RAB11A: variants seen among roughly 807,000 people sequenced by gnomAD.
The protein encoded by RAB11A is RAB11A, member RAS oncogene family, also known as ras-related protein Rab-11A.
RAB11A carries 9 observed loss-of-function variants against 28.0 expected under a neutral mutation model. The observed-to-expected ratio is 0.32, with a 90% CI of 0.19 to 0.56. The LOEUF (loss-of-function observed/expected upper bound fraction) is 0.56, where lower values mean the gene tolerates loss of function less well. RAB11A is among the 20% of genes least tolerant of loss of function. RAB11A has a pLI of 0.91. For missense variants in RAB11A, 108 were observed against 269.6 expected, an observed-to-expected ratio of 0.40 and a Z score of 4.20; for synonymous variants, 85 against 88.2, an observed-to-expected ratio of 0.96 and a Z score of 0.20.
At chr15:65,871,686 C>T (rs1404447004) in intron 1 of RAB11A, among the ~76,000 whole-genome samples, 19 of 152,152 alleles carry the variant, frequency 1.2e-4, no homozygotes, top group Admixed American at 1.2e-3. Flanking sequence ...CAATTGAGAG[C>T]ACTGAGCTTT....
chr15:65,878,690 C>G (rs1261675606), intron 3 of RAB11A, among the ~76,000 whole-genome samples: 1 of 152,204 alleles, frequency 6.6e-6, no homozygotes, highest in African/African-American at 2.4e-5. Flanking sequence ...AAAAACAAAA[C>G]AAAACAAACA....
chr15:65,874,689 G>T lies in RAB11A; in HGVS notation c.41-2643G>T, dbSNP rs530761351. ...GATGGTATAAGGAGTTGAGATTGGT[G>T]AGATAATGAACATAATCATTAGTTA... is the stretch of plus-strand genomic sequence containing the variant. On this transcript the variant is annotated intron_variant, in intron 1 of 4. Coordinates refer to ENST00000261890, the MANE Select transcript of RAB11A (RefSeq NM_004663.5). Among the ~76,000 whole-genome samples, 6 of 152,222 alleles carry T rather than the reference G, an allele frequency of 3.9e-5. No individual in the cohort carries two copies. The South Asian group carries it at 1.2e-3, about 32-fold the overall frequency.
chr15:65,883,925 A>C (rs1474990565), intron 4 of RAB11A, among the ~76,000 whole-genome samples: 1 of 152,232 alleles, frequency 6.6e-6, no homozygotes, highest in Non-Finnish European at 1.5e-5. Flanking sequence ...TACATTTTCC[A>C]AAATTAAGAA....
intron 4 of RAB11A, among the ~76,000 whole-genome samples, chr15:65,886,546 G>C (rs996236839): frequency 6.6e-6 from 1 of 152,186 alleles, no homozygotes; most frequent in African/African-American, 2.4e-5. Flanking sequence ...TTTGAGAGTA[G>C]TGTTTTTGGA....
rs562347053 is a variant in RAB11A, at chr15:65,870,612, C to T, written c.40+987C>T. On this transcript the variant is annotated intron_variant, in intron 1 of 4. Transcript: ENST00000261890. ...GGAAAGGTTGTGCGCTGCACAAATA[C>T]TAGCTTGCTTTATCTCTATGAACTG... 3.3e-5 allele frequency among the ~76,000 whole-genome samples: 5 copies of T among 152,348 alleles called. No homozygotes were observed. In the East Asian group the frequency reaches 5.8e-4, roughly 18 times the overall value.
Position 65,888,601 on chromosome 15 carries a change from C to T in RAB11A, c.*761C>T, listed in dbSNP as rs1360336644. 6.6e-6 allele frequency: 1 copy of T among 151,896 alleles called. No individual in the cohort carries two copies. The highest frequency in any genetic ancestry group is 1.5e-5 in the Non-Finnish European group (1 of 67,964). The allele number at this position is 151,896 out of a possible 1,614,324, so 9.4% of individuals were successfully genotyped here. On this transcript the variant is annotated 3_prime_UTR_variant, in exon 5 of 5. Transcript: ENST00000261890. ...CTCTGTTGGCAATGATCAGGCAGCCCAAAAGATTTAAATGATCTATAATAA... is the reference window on the plus strand; with the variant it reads ...CTCTGTTGGCAATGATCAGGCAGCCTAAAAGATTTAAATGATCTATAATAA...
intron 3 of RAB11A, among the ~76,000 whole-genome samples, chr15:65,879,332 CTATTAAAGTGTAAA>C (rs1425350498): frequency 1.3e-5 from 2 of 151,540 alleles, no homozygotes; most frequent in Non-Finnish European, 2.9e-5. Context: ...TATTTTTAAT[CTATTAAAGTGTAAA>C]TATTAAAGTG....
chr15:65,869,507 T>A lies in RAB11A; in HGVS notation c.-79T>A. 2 of 1,551,278 alleles carry A rather than the reference T, an allele frequency of 1.3e-6. No homozygotes were observed. Among genetic ancestry groups the A allele is most frequent in the Non-Finnish European group, 1.7e-6 (2 of 1,148,256 alleles). The stretch of plus-strand genomic sequence containing the variant: ...CAGTCCGGCAGTTGAAGCTCGGCGC[T>A]CGGGTTACCCCTGCAGCGACGCCCC... On this transcript the variant is annotated 5_prime_UTR_variant, in exon 1 of 5. Transcript: ENST00000261890.
intron 4 of RAB11A, among the ~76,000 whole-genome samples, chr15:65,885,479 A>G (rs2078250710): frequency 6.6e-6 from 1 of 152,180 alleles, no homozygotes; most frequent in Non-Finnish European, 1.5e-5. Flanking sequence ...CAGTATACTA[A>G]TAATGTCCTT....
At position 65,872,174 on chromosome 15, in the gene RAB11A, G is replaced by A. The variant is rs373502699; in HGVS notation, c.40+2549G>A. On this transcript the variant is annotated intron_variant, in intron 1 of 4. Coordinates refer to ENST00000261890, the MANE Select transcript of RAB11A (RefSeq NM_004663.5). The stretch of plus-strand genomic sequence containing the variant: ...TTGCCATGTTGCCCAGGCTGGTCTC[G>A]CACTCCTGGACTTAAGCAATCCACC... Among the ~76,000 whole-genome samples, 31 of 151,772 alleles carry A rather than the reference G, an allele frequency of 2.0e-4. No homozygotes were observed. The East Asian group carries it at 5.4e-3, about 27-fold the overall frequency.
intron 1 of RAB11A, among the ~76,000 whole-genome samples, chr15:65,871,221 C>G (rs768695646): frequency 7.9e-5 from 12 of 152,196 alleles, no homozygotes; most frequent in Non-Finnish European, 1.3e-4. Flanking sequence ...CTGTTATACT[C>G]TTATCATCTC....
intron 4 of RAB11A, among the ~76,000 whole-genome samples, chr15:65,886,278 CTAGT>C (rs2078255163): frequency 6.6e-6 from 1 of 152,032 alleles, no homozygotes; most frequent in Non-Finnish European, 1.5e-5. Context: ...TGAAATGTGG[CTAGT>C]TAGATGAGGA....
rs1169518132 is a variant in RAB11A, at chr15:65,891,096, G to T, written c.*3256G>T. On this transcript the variant is annotated 3_prime_UTR_variant, in exon 5 of 5. Transcript: ENST00000261890. The stretch of plus-strand genomic sequence containing the variant: ...CCAAAGAGAGATTTTTCTTCTGGTT[G>T]GGTGGTGCTGGTGCCACGCCCCTTT... 1 of 152,192 alleles carries T rather than the reference G, an allele frequency of 6.6e-6. No individual in the cohort carries two copies. Among genetic ancestry groups the T allele is most frequent in the Non-Finnish European group, 1.5e-5 (1 of 68,016 alleles). 9.4% of individuals were successfully genotyped at this position (152,192 alleles called of 1,614,324 possible).
rs568488163 is a variant in RAB11A at position 65,887,909 on chromosome 15, G to C, written c.*69G>C. ...CCAGGTCTGAGATTTAAATATATTT[G>C]TAATTCTTGTGTCACTTTTGTGTTT... On this transcript the variant is annotated 3_prime_UTR_variant, in exon 5 of 5. Transcript: ENST00000261890. The C allele has an allele frequency of 7.3e-6, 10 of 1,373,504 alleles. No homozygotes were observed. In the Admixed American group the frequency reaches 1.1e-4, roughly 16 times the overall value. 85.1% of individuals were successfully genotyped at this position (1,373,504 alleles called of 1,614,324 possible).
In RAB11A at chr15:65,877,680, C is replaced by T. The variant is rs2078198094; in HGVS notation, c.237-82C>T. The T allele has an allele frequency of 1.5e-6, 2 of 1,364,924 alleles. No homozygotes were observed. The highest frequency in any genetic ancestry group is 2.0e-6 in the Non-Finnish European group (2 of 999,818). The allele number at this position is 1,364,924 out of a possible 1,614,324, so 84.6% of individuals were successfully genotyped here. On this transcript the variant is annotated intron_variant, in intron 2 of 4. Transcript: ENST00000261890. This position sits in a 1 kb window ranked among gnomAD's most constrained non-coding sequence, Gnocchi z 4.1. ...TTTATTTATAAGTATGTTTTTAAAA[C>T]TCATGATCCATATTTTGAGTTCTTC...
Position 65,877,879 on chromosome 15 carries a change from TATC to T in RAB11A, c.357_359del (p.Ile119del). Reference sequence around the variant, plus strand: ...GAGATCATGCTGATAGTAACATTGTTATCATGCTTGTGGGCAATAAGAGTGATC... The same window carrying T: ...GAGATCATGCTGATAGTAACATTGTTATGCTTGTGGGCAATAAGAGTGATC... On this transcript the variant is annotated inframe_deletion, in exon 3 of 5. Coordinates refer to ENST00000261890, the MANE Select transcript of RAB11A (RefSeq NM_004663.5). The surrounding 1 kb of genome is among the most constrained non-coding windows in gnomAD (Gnocchi z 4.1). 1.2e-6 allele frequency: 2 copies of T among 1,613,742 alleles called. No individual in the cohort carries two copies. The highest frequency in any genetic ancestry group is 1.7e-6 in the Non-Finnish European group (2 of 1,179,612).
Position 65,877,619 on chromosome 15 carries a change from T to C in RAB11A, c.236+92T>C, listed in dbSNP as rs1417249439. On this transcript the variant is annotated intron_variant, in intron 2 of 4. Transcript: ENST00000261890. The surrounding 1 kb of genome is among the most constrained non-coding windows in gnomAD (Gnocchi z 4.1). ...ATTGGAAAAAGAACTGTTGTTTTTTTCTTTTAAGAATTCTAGTATTAGGAA... is the reference window on the plus strand; with the variant it reads ...ATTGGAAAAAGAACTGTTGTTTTTTCCTTTTAAGAATTCTAGTATTAGGAA... The C allele has an allele frequency of 3.6e-6, 5 of 1,399,314 alleles. No homozygotes were observed. Among genetic ancestry groups the C allele is most frequent in the Non-Finnish European group, 4.8e-6 (5 of 1,035,712 alleles). The allele number at this position is 1,399,314 out of a possible 1,614,324, so 86.7% of individuals were successfully genotyped here. A position where few individuals can be genotyped will look rare whatever the true frequency, so the allele number is the denominator to read the frequency against.
Position 65,887,623 on chromosome 15 carries a change from T to A in RAB11A, c.512-78T>A, listed in dbSNP as rs1283106366. 2.9e-6 allele frequency: 4 copies of A among 1,376,096 alleles called. No homozygotes were observed. The East Asian group carries it at 7.6e-5, about 26-fold the overall frequency. The allele number at this position is 1,376,096 out of a possible 1,614,324, so 85.2% of individuals were successfully genotyped here. ...TTAGGGACTTTGATGCAAATATATC[T>A]CCTACCTTTATGTATCTTTTATCCT... On this transcript the variant is annotated intron_variant, in intron 4 of 4. Coordinates refer to ENST00000261890, the MANE Select transcript of RAB11A (RefSeq NM_004663.5).
Position 65,879,850 on chromosome 15 carries a change from G to A in RAB11A, c.511+99G>A. 5.5e-6 allele frequency: 5 copies of A among 910,266 alleles called. No homozygotes were observed. The Admixed American group carries it at 7.9e-5, about 14-fold the overall frequency. The allele number at this position is 910,266 out of a possible 1,614,324, so 56.4% of individuals were successfully genotyped here. On this transcript the variant is annotated intron_variant, in intron 4 of 4. Coordinates refer to ENST00000261890, the MANE Select transcript of RAB11A (RefSeq NM_004663.5). ...TAACTAAACTATATATCAGCCGAGA[G>A]TGACTATCATTTGAGAGCTACTCTA... is the stretch of plus-strand genomic sequence containing the variant.
Sources: allele counts gnomAD v4.1 joint callset (sites outside exome capture counted in the v4.1 genomes callset), GRCh38; gene constraint gnomAD v4.1.1; non-coding constraint Gnocchi (gnomAD v3.1); transcripts MANE v1.5; gene names NCBI Gene and HGNC (gene_info 2026-07-23, HGNC 2026-07-21).